Variants in GRIP1 observed in about 807,000 individuals in gnomAD.
The protein encoded by GRIP1 is glutamate receptor-interacting protein 1.
A neutral mutation model predicts 129.9 loss-of-function variants in GRIP1; 45 were observed. The ratio of observed to expected loss-of-function variants is 0.35; its 90% confidence interval spans 0.27 to 0.44. The LOEUF (loss-of-function observed/expected upper bound fraction) is 0.44, where lower values mean the gene tolerates loss of function less well. Ranked by LOEUF, GRIP1 falls within the 20% of genes least tolerant of loss-of-function variation. The pLI is 1.00. For missense variants in GRIP1, 1,196 were observed against 1,396.8 expected, an observed-to-expected ratio of 0.86 and a Z score of 2.29; for synonymous variants, 530 against 520.8, an observed-to-expected ratio of 1.02 and a Z score of -0.24.
At position 66,456,294 on chromosome 12, in the gene GRIP1, C is replaced by T. The variant is rs1386760241; in HGVS notation, c.1091G>A (p.Ser364Asn). The change falls in exon 10 of 25, where the codon AGC (serine) becomes AAC (asparagine). Residue 364 changes from serine (S) to asparagine (N), a missense_variant. Transcript: ENST00000359742. ...GTTGGTGTGAAGGCTGCTGTGGTTGCTGGCCCAGGAATCCCAGGTAAGTTG... is the reference window on the plus strand; with the variant it reads ...GTTGGTGTGAAGGCTGCTGTGGTTGTTGGCCCAGGAATCCCAGGTAAGTTG... ...DRQLTWDSWASNHSSLHTNHH... is the reference protein window; with the variant it reads ...DRQLTWDSWANNHSSLHTNHH... The T allele has an allele frequency of 1.6e-6, 2 of 1,289,380 alleles. No homozygotes were observed. The highest frequency in any genetic ancestry group is 2.5e-5 in the South Asian group (2 of 80,996). 79.9% of individuals were successfully genotyped at this position (1,289,380 alleles called of 1,614,324 possible).
At chr12:66,715,264 C>T (rs967496331) in intron 1 of GRIP1, among the ~76,000 whole-genome samples, 1 of 152,010 alleles carries the variant, frequency 6.6e-6, no homozygotes, top group African/African-American at 2.4e-5. Flanking sequence ...TTGGACAGTA[C>T]TTGCTATACT....
rs796725221 is a variant in GRIP1, at chr12:66,410,397, C to G, written c.1839-3969G>C. 7.4e-4 allele frequency among the ~76,000 whole-genome samples: 112 copies of G among 150,456 alleles called. 1 individual carries two copies. Among genetic ancestry groups the G allele is most frequent in the African/African-American group, 2.6e-3 (105 of 40,876 alleles). ...CTATAATCCCAGCACTTTGGGAGGC[C>G]GAGGTGGGCAGATCACCTGAGGTCA... On this transcript the variant is annotated intron_variant, in intron 15 of 24. Transcript: ENST00000359742.
In GRIP1 at chr12:66,882,463, G is replaced by A. The variant is rs11836982; in HGVS notation, c.58+186587C>T. ...TAAGAGGAGCCAGCCGAGCTGAACCGAAGCCAATTTTAGCCAATTAAACAG... is the reference window on the plus strand; with the variant it reads ...TAAGAGGAGCCAGCCGAGCTGAACCAAAGCCAATTTTAGCCAATTAAACAG... On this transcript the variant is annotated intron_variant, in intron 1 of 1. Transcript: ENST00000643019. Among the ~76,000 whole-genome samples, 171 of 152,250 alleles carry A rather than the reference G, an allele frequency of 1.1e-3. 1 individual carries two copies. The highest frequency in any genetic ancestry group is 3.4e-3 in the African/African-American group (141 of 41,542).
At chr12:66,435,202 A>ATTTTTTTT (rs35281910) in intron 13 of GRIP1, among the ~76,000 whole-genome samples, 1 of 139,454 alleles carries the variant, frequency 7.2e-6, no homozygotes. Context: ...ACGTGTGACC[A>ATTTTTTTT]TTTTTTTTTT....
chr12:66,360,125 A>T (rs911191837), intron 23 of GRIP1, among the ~76,000 whole-genome samples: 2 of 152,122 alleles, frequency 1.3e-5, no homozygotes, highest in Non-Finnish European at 2.9e-5. Context: ...AAGCACCAGG[A>T]TTCAAGACTA....
chr12:66,636,611 T>C (rs141484143), intron 1 of GRIP1, among the ~76,000 whole-genome samples: 18 of 152,216 alleles, frequency 1.2e-4, no homozygotes, highest in East Asian at 1.2e-3. Flanking sequence ...GCATTGGAGA[T>C]AGGGCCTTTA....
intron 1 of GRIP1, among the ~76,000 whole-genome samples, chr12:66,687,060 C>CAACAA (rs999405818): frequency 4.6e-5 from 7 of 151,960 alleles, no homozygotes; most frequent in African/African-American, 9.7e-5. Flanking sequence ...GACCCTATCT[C>CAACAA]AACAAAACAA....
chr12:66,525,188 G>A (rs987876556), intron 5 of GRIP1, among the ~76,000 whole-genome samples: 17 of 152,186 alleles, frequency 1.1e-4, no homozygotes, highest in Admixed American at 5.2e-4. Context: ...TATGAGGTTT[G>A]CATTATCCTG....
chr12:66,956,859 A>G (rs1267330663), intron 1 of GRIP1, among the ~76,000 whole-genome samples: 1 of 152,080 alleles, frequency 6.6e-6, no homozygotes, highest in Non-Finnish European at 1.5e-5. Context: ...CTGACATAAC[A>G]TATCTATATT....
intron 1 of GRIP1, among the ~76,000 whole-genome samples, chr12:66,601,186 C>T (rs2064259765): frequency 1.3e-5 from 2 of 152,218 alleles, no homozygotes; most frequent in Admixed American, 1.3e-4. Flanking sequence ...TGGCCAGTCT[C>T]CTCATGTGCC....
intron 1 of GRIP1, among the ~76,000 whole-genome samples, chr12:66,767,707 C>A (rs939682122): frequency 2.6e-5 from 4 of 152,080 alleles, no homozygotes; most frequent in African/African-American, 9.7e-5. Flanking sequence ...AAGCAGAAGA[C>A]AAGCAAATAA....
At position 66,792,746 on chromosome 12, in the gene GRIP1, T is replaced by TA. The variant is rs796713919; in HGVS notation, c.-420+11306dup. On this transcript the variant is annotated intron_variant, in intron 1 of 4. Transcript: ENST00000538373. Reference sequence around the variant, plus strand: ...CTAAAAAGTAAAAAACAAAACCTTCTAAATGAAAAGAAAACATACCTAATT... The same window carrying TA: ...CTAAAAAGTAAAAAACAAAACCTTCTAAAATGAAAAGAAAACATACCTAATT... Among the ~76,000 whole-genome samples the TA allele has an allele frequency of 6.9e-4, 105 of 152,146 alleles. 2 individuals are homozygous for TA. Among genetic ancestry groups the TA allele is most frequent in the Middle Eastern group, 3.4e-3 (1 of 294 alleles).
chr12:66,381,914 C>T (rs796351845), intron 19 of GRIP1, among the ~76,000 whole-genome samples: 5 of 152,314 alleles, frequency 3.3e-5, no homozygotes, highest in Admixed American at 1.3e-4. Context: ...TTCTCTAGTC[C>T]GTGCTACGCT....
At chr12:66,966,918 T>C (rs2042005844) in intron 1 of GRIP1, among the ~76,000 whole-genome samples, 1 of 152,112 alleles carries the variant, frequency 6.6e-6, no homozygotes, top group African/African-American at 2.4e-5. Flanking sequence ...CTTTAAGGAG[T>C]GGAAAATTAC....
chr12:66,940,107 A>G (rs932196391), intron 1 of GRIP1, among the ~76,000 whole-genome samples: 1 of 152,118 alleles, frequency 6.6e-6, no homozygotes, highest in African/African-American at 2.4e-5. Flanking sequence ...TCATCTCTTC[A>G]ATGGCACCAC....
chr12:66,397,403 C>G (rs964936672), intron 16 of GRIP1, among the ~76,000 whole-genome samples: 1 of 151,692 alleles, frequency 6.6e-6, no homozygotes, highest in Non-Finnish European at 1.5e-5. Flanking sequence ...GTCCCACCTA[C>G]TCAGGAGGCT....
At chr12:66,615,683 C>T (rs558738805) in intron 1 of GRIP1, among the ~76,000 whole-genome samples, 1 of 152,284 alleles carries the variant, frequency 6.6e-6, no homozygotes, top group South Asian at 2.1e-4. Flanking sequence ...ACTCTTGTCA[C>T]CCACACTGGA....
In GRIP1 at chr12:66,950,268, A is replaced by G. The variant is rs78086431; in HGVS notation, c.58+118782T>C. Among the ~76,000 whole-genome samples the G allele has an allele frequency of 2.3e-3, 357 of 152,340 alleles. 8 individuals are homozygous for G. The highest frequency in any genetic ancestry group is 0.014 in the Admixed American group (215 of 15,304). On this transcript the variant is annotated intron_variant, in intron 1 of 1. Transcript: ENST00000643019. ...AAACAGCTAATAGTTCTCAAAATTA[A>G]TATTTCAAAATGCTAGCTAGTGTAC... is the stretch of plus-strand genomic sequence containing the variant.
At chr12:66,369,155 A>G (rs1419123711) in intron 23 of GRIP1, among the ~76,000 whole-genome samples, 1 of 152,166 alleles carries the variant, frequency 6.6e-6, no homozygotes, top group East Asian at 1.9e-4. Context: ...CACCATTTAG[A>G]GAAAATGACA....
Sources: gnomAD v4.1 joint callset for allele counts (sites outside exome capture counted in the v4.1 genomes callset) on GRCh38, gnomAD v4.1.1 for gene constraint, MANE v1.5 for transcripts, NCBI Gene and HGNC (gene_info 2026-07-23, HGNC 2026-07-21) for gene names.